Variants in NEK11 observed in about 807,000 individuals in gnomAD.
The protein encoded by NEK11 is NIMA related kinase 11, also known as serine/threonine-protein kinase Nek11.
Under a neutral mutation model 80.7 loss-of-function variants are expected in NEK11, and 72 were observed. The ratio of observed to expected loss-of-function variants is 0.89; its 90% confidence interval spans 0.74 to 1.08. The LOEUF (loss-of-function observed/expected upper bound fraction) is 1.08, where lower values mean the gene tolerates loss of function less well. Ranked by LOEUF, NEK11 falls within the 50% of genes least tolerant of loss-of-function variation. NEK11 has a pLI of 0.00. For missense variants in NEK11, 764 were observed against 763.6 expected (o/e 1.00, Z -0.01); for synonymous variants, 251 against 260.7 (o/e 0.96, Z 0.36).
At chr3:131,278,704 ACT>A (rs1246383052) in intron 17 of NEK11, among the ~76,000 whole-genome samples, 1 of 152,020 alleles carries the variant, frequency 6.6e-6, no homozygotes, top group Non-Finnish European at 1.5e-5. Context: ...TGTGACTAAG[ACT>A]GGTCCTTTAA....
At chr3:131,127,721 T>C (rs1278930177) in intron 5 of NEK11, among the ~76,000 whole-genome samples, 1 of 152,152 alleles carries the variant, frequency 6.6e-6, no homozygotes, top group East Asian at 1.9e-4. Context: ...GAACAATATA[T>C]GTGAAATATT....
chr3:131,228,160 A>G (rs1397960090), intron 14 of NEK11, among the ~76,000 whole-genome samples: 2 of 152,194 alleles, frequency 1.3e-5, no homozygotes, highest in African/African-American at 4.8e-5. Context: ...TGTGTTGTGT[A>G]ATAGGACCCT....
At chr3:131,121,762 C>T (rs1384328340) in intron 5 of NEK11, among the ~76,000 whole-genome samples, 3 of 152,182 alleles carry the variant, frequency 2.0e-5, no homozygotes, top group Non-Finnish European at 2.9e-5. Context: ...AGAGAGGCTC[C>T]GTGGGTGTGG....
intron 14 of NEK11, among the ~76,000 whole-genome samples, chr3:131,189,463 G>A (rs760264864): frequency 9.9e-5 from 15 of 152,158 alleles, no homozygotes; most frequent in Non-Finnish European, 1.9e-4. Context: ...CATAGATGAT[G>A]ACTTCTCACT....
At chr3:131,332,127 T>C (rs372440078) in intron 17 of NEK11, among the ~76,000 whole-genome samples, 19 of 152,332 alleles carry the variant, frequency 1.2e-4, no homozygotes, top group South Asian at 2.1e-4. Context: ...TCTCCCAGCA[T>C]GCAGCTGGAG....
intron 3 of NEK11, among the ~76,000 whole-genome samples, chr3:131,040,567 A>G (rs1409025495): frequency 1.3e-5 from 2 of 152,200 alleles, no homozygotes; most frequent in Non-Finnish European, 2.9e-5. Flanking sequence ...AACTGGCTGA[A>G]TTTGCAGTTA....
chr3:131,307,231 C>A (rs1008846744), intron 17 of NEK11, among the ~76,000 whole-genome samples: 1 of 152,148 alleles, frequency 6.6e-6, no homozygotes, highest in African/African-American at 2.4e-5. Context: ...ATAAACCAAA[C>A]CCTCAATAAA....
intron 3 of NEK11, among the ~76,000 whole-genome samples, chr3:131,071,674 G>C (rs1195276755): frequency 6.6e-6 from 1 of 151,802 alleles, no homozygotes; most frequent in Admixed American, 6.6e-5. Context: ...TTTTAGTTTT[G>C]AAATGTACTA....
At chr3:131,332,640 A>C (rs1315335553) in intron 17 of NEK11, among the ~76,000 whole-genome samples, 1 of 152,264 alleles carries the variant, frequency 6.6e-6, no homozygotes, top group Non-Finnish European at 1.5e-5. Flanking sequence ...GAGCTGAGAG[A>C]AGAAGGCTTC....
At chr3:131,199,537 C>T in intron 14 of NEK11, among the ~76,000 whole-genome samples, 1 of 150,706 alleles carries the variant, frequency 6.6e-6, no homozygotes, top group Non-Finnish European at 1.5e-5. Context: ...TTTTATTCAA[C>T]AGTTTTTTAA....
intron 14 of NEK11, among the ~76,000 whole-genome samples, chr3:131,174,112 T>C (rs2092862944): frequency 6.6e-6 from 1 of 152,194 alleles, no homozygotes; most frequent in Non-Finnish European, 1.5e-5. Context: ...ACAGCCTTGA[T>C]AGGCATTTAG....
Position 131,316,810 on chromosome 3 carries a change from A to T in NEK11, c.1719-32747A>T, listed in dbSNP as rs563714120. ...TTCAGCTTGCGAGTTTTTTGAAGTT[A>T]GCATTTGTACTTTCCTTGATTTGCA... is the stretch of plus-strand genomic sequence containing the variant. On this transcript the variant is annotated intron_variant, in intron 17 of 17. Coordinates refer to ENST00000383366, the MANE Select transcript of NEK11 (RefSeq NM_024800.5). Among the ~76,000 whole-genome samples the T allele has an allele frequency of 1.6e-4, 24 of 152,306 alleles. No individual in the cohort carries two copies. In the East Asian group the frequency reaches 4.3e-3, roughly 27 times the overall value.
chr3:131,262,854 C>T (rs566116550), intron 16 of NEK11, among the ~76,000 whole-genome samples: 1 of 151,860 alleles, frequency 6.6e-6, no homozygotes, highest in Admixed American at 6.6e-5. Context: ...TGATGTCCCC[C>T]TCCCTAAGTC....
At position 131,277,745 on chromosome 3, in the gene NEK11, T is replaced by C. The variant is rs115324478; in HGVS notation, c.1718+4171T>C. ...GCAGGGGGCAAGCTGCTGGGATTTATATCCCTCCTTGCCACTGACTAATAT... is the reference window on the plus strand; with the variant it reads ...GCAGGGGGCAAGCTGCTGGGATTTACATCCCTCCTTGCCACTGACTAATAT... On this transcript the variant is annotated intron_variant, in intron 17 of 17. Coordinates refer to ENST00000383366, the MANE Select transcript of NEK11 (RefSeq NM_024800.5). 9.7e-3 allele frequency among the ~76,000 whole-genome samples: 1,472 copies of C among 152,312 alleles called. 17 individuals are homozygous for C. The highest frequency in any genetic ancestry group is 0.032 in the African/African-American group (1,317 of 41,574).
Position 131,229,846 on chromosome 3 carries a change from G to A in NEK11, c.1560+1158G>A, listed in dbSNP as rs552779127. Among the ~76,000 whole-genome samples, 58 of 152,120 alleles carry A rather than the reference G, an allele frequency of 3.8e-4. No homozygotes were observed. The South Asian group carries it at 7.5e-3, about 20-fold the overall frequency. ...AATTTAGGAGACAAATACATGAAGA[G>A]AGAAACAAATACATTTGGAGAAAAA... is the stretch of plus-strand genomic sequence containing the variant. On this transcript the variant is annotated intron_variant, in intron 15 of 17. Transcript: ENST00000383366.
intron 4 of NEK11, among the ~76,000 whole-genome samples, chr3:131,087,685 G>T (rs999279832): frequency 2.0e-5 from 3 of 152,162 alleles, no homozygotes; most frequent in African/African-American, 7.2e-5. Context: ...AAGTAAGCGG[G>T]TTGAGTTTTG....
intron 17 of NEK11, among the ~76,000 whole-genome samples, chr3:131,280,997 A>T (rs971464051): frequency 1.3e-5 from 2 of 152,190 alleles, no homozygotes; most frequent in Admixed American, 1.3e-4. Flanking sequence ...GTGAGCCCCA[A>T]GTACTATTCT....
At chr3:131,174,055 T>G (rs2092856842) in intron 14 of NEK11, among the ~76,000 whole-genome samples, 1 of 152,248 alleles carries the variant, frequency 6.6e-6, no homozygotes, top group African/African-American at 2.4e-5. Flanking sequence ...TAAATGCTAT[T>G]CTTTCTTAAT....
intron 14 of NEK11, among the ~76,000 whole-genome samples, chr3:131,198,319 G>A (rs749578625): frequency 6.6e-6 from 1 of 152,152 alleles, no homozygotes; most frequent in Non-Finnish European, 1.5e-5. Flanking sequence ...CCTTCAAGTG[G>A]CATAGGTTTG....
Sources: gnomAD v4.1 joint callset for allele counts (sites outside exome capture counted in the v4.1 genomes callset) on GRCh38, gnomAD v4.1.1 for gene constraint, MANE v1.5 for transcripts, NCBI Gene and HGNC (gene_info 2026-07-23, HGNC 2026-07-21) for gene names.